Variants in MPC1 observed in about 807,000 individuals in gnomAD.
The protein encoded by MPC1 is HSPC040 protein.
Under a neutral mutation model 13.9 loss-of-function variants are expected in MPC1, and 6 were observed. That is an observed-to-expected ratio of 0.43 (90% CI 0.24 to 0.85). The LOEUF is 0.85. Among genes scored for constraint, MPC1 ranks in the 40% least tolerant of loss-of-function variants. The pLI is 0.24. For missense variants in MPC1, 115 were observed against 143.3 expected, an observed-to-expected ratio of 0.80 and a Z score of 1.01; for synonymous variants, 47 against 50.5, an observed-to-expected ratio of 0.93 and a Z score of 0.29.
intron 2 of MPC1, 138 bp from the exon 3 acceptor site, chr6:166,367,029 G>C: frequency 6.6e-7 from 1 of 1,522,100 alleles, no homozygotes; most frequent in Non-Finnish European, 8.8e-7. Flanking sequence ...CAGGTTTACT[G>C]GGTTAATTGA....
chr6:166,379,274 G>A (rs1402057705), intron 1 of MPC1, among the ~76,000 whole-genome samples: 2 of 152,198 alleles, frequency 1.3e-5, no homozygotes, highest in South Asian at 2.1e-4. Flanking sequence ...TGGGAGGACT[G>A]CTTGACACTG....
At chr6:166,368,657 T>G in intron 2 of MPC1, 44 of 540,332 alleles carry the variant, frequency 8.1e-5, no homozygotes, top group Non-Finnish European at 9.2e-5. Context: ...TTAGATGCAA[T>G]ATGGCCAGTT....
chr6:166,377,777 G>T (rs1469332098), intron 1 of MPC1, among the ~76,000 whole-genome samples: 3 of 152,160 alleles, frequency 2.0e-5, no homozygotes, highest in Non-Finnish European at 4.4e-5. Flanking sequence ...TGACAGTAAA[G>T]ATCTTTGTGA....
At chr6:166,380,954 A>AG (rs1779752638) in intron 1 of MPC1, among the ~76,000 whole-genome samples, 1 of 151,608 alleles carries the variant, frequency 6.6e-6, no homozygotes, top group African/African-American at 2.4e-5. Flanking sequence ...AAAAAAAAAA[A>AG]AAAAAAAAAA....
At chr6:166,382,535 T>C (rs1304834703) in intron 1 of MPC1, among the ~76,000 whole-genome samples, 2 of 146,904 alleles carry the variant, frequency 1.4e-5, no homozygotes. Context: ...ACACCCACTG[T>C]CACCCCCGCC....
Position 166,365,433 on chromosome 6 carries a change from G to A in MPC1, c.326C>T (p.Ala109Val), listed in dbSNP as rs1298768261. 6.3e-7 allele frequency: 1 copy of A among 1,579,988 alleles called. No homozygotes were observed. The change falls in exon 5 of 5, where the codon GCA (alanine) becomes GTA (valine). Residue 109 changes from alanine (A) to valine (V), a missense_variant. Around this residue, in one of 3 missense-constraint regions of MPC1, gnomAD observed 71 missense variants for 88.5 expected, o/e 0.80. Coordinates refer to ENST00000360961, the MANE Select transcript of MPC1 (RefSeq NM_016098.4). This position sits in a 1 kb window ranked among gnomAD's most constrained non-coding sequence, Gnocchi z 4.2. ...CTTGTTCTTCCTTTTCCATTGTTAT[G>A]CAGATGCCGTTTTAGTCATCCTGGA... ...IKHEMTKTASA is the reference protein window; with the variant it reads ...IKHEMTKTASV
chr6:166,372,415 G>A (rs1359510403), intron 1 of MPC1, among the ~76,000 whole-genome samples: 1 of 151,218 alleles, frequency 6.6e-6, no homozygotes, highest in Non-Finnish European at 1.5e-5. Context: ...TGAGAATAAG[G>A]GAGAATTACA....
intron 1 of MPC1, among the ~76,000 whole-genome samples, chr6:166,372,188 T>C (rs1272695154): frequency 6.6e-6 from 1 of 152,226 alleles, no homozygotes; most frequent in African/African-American, 2.4e-5. Context: ...TGTCAGTATC[T>C]GAACACTGGC....
chr6:166,376,259 G>C (rs1291198712), intron 1 of MPC1, among the ~76,000 whole-genome samples: 2 of 152,176 alleles, frequency 1.3e-5, no homozygotes, highest in African/African-American at 2.4e-5. Context: ...AATCAGTAAA[G>C]CCAGTGCTGT....
chr6:166,381,754 A>C (rs1324467684), intron 1 of MPC1: 1 of 946,144 alleles, frequency 1.1e-6, no homozygotes, highest in African/African-American at 1.8e-5. Context: ...GTTAACAGAA[A>C]ATAGAACAAG....
intron 1 of MPC1, among the ~76,000 whole-genome samples, chr6:166,370,836 A>G (rs558834637): frequency 6.6e-6 from 1 of 152,368 alleles, no homozygotes; most frequent in Non-Finnish European, 1.5e-5. Context: ...GTCTGGAAAA[A>G]AAAAGGAAAA....
At chr6:166,366,673 C>T in intron 3 of MPC1, 122 bp downstream of exon 3, 1 of 870,706 alleles carries the variant, frequency 1.1e-6, no homozygotes, top group South Asian at 1.5e-5. Flanking sequence ...TCTTCCATGC[C>T]ATCACATTCT....
In MPC1 at chr6:166,382,803, C is replaced by A; in HGVS notation, c.71+3G>T. 6.3e-7 allele frequency: 1 copy of A among 1,588,352 alleles called. No homozygotes were observed. Among genetic ancestry groups the A allele is most frequent in the Non-Finnish European group, 8.5e-7 (1 of 1,169,628 alleles). ...GCGGGGTTCGGCCTGCGGCGCTCGT[C>A]ACCTCATGAGGTAGTCCCGGAAATC... On this transcript the variant is annotated splice_donor_region_variant and intron_variant, in intron 1 of 4. Transcript: ENST00000360961.
chr6:166,382,582 C>G (rs910271400), intron 1 of MPC1, among the ~76,000 whole-genome samples: 1 of 152,188 alleles, frequency 6.6e-6, no homozygotes, highest in Non-Finnish European at 1.5e-5. Context: ...CCCTGAAAGG[C>G]GCCCACTGTC....
At chr6:166,372,743 T>A (rs1324557630) in intron 1 of MPC1, among the ~76,000 whole-genome samples, 1 of 63,200 alleles carries the variant, frequency 1.6e-5, no homozygotes, top group Non-Finnish European at 3.0e-5. Context: ...ATTACCTGTT[T>A]CAAAAAAAAA....
intron 1 of MPC1, 126 bp downstream of exon 1, chr6:166,382,679 TG>T: frequency 2.1e-6 from 2 of 967,622 alleles, no homozygotes; most frequent in Non-Finnish European, 2.9e-6. Flanking sequence ...CCCTCTCGCC[TG>T]GGCCCCGGCC....
intron 1 of MPC1, among the ~76,000 whole-genome samples, chr6:166,378,693 G>C (rs115825580): frequency 3.3e-5 from 5 of 152,058 alleles, no homozygotes; most frequent in African/African-American, 1.2e-4. Flanking sequence ...TTAAGAAAAA[G>C]GTATTGGAAT....
intron 1 of MPC1, among the ~76,000 whole-genome samples, chr6:166,380,881 A>C (rs556790490): frequency 7.0e-6 from 1 of 143,264 alleles, no homozygotes; most frequent in African/African-American, 2.5e-5. Context: ...GGAGGTTTGG[A>C]TGAGCCAAAA....
intron 1 of MPC1, among the ~76,000 whole-genome samples, chr6:166,380,101 T>C (rs1562462070): frequency 6.6e-6 from 1 of 152,224 alleles, no homozygotes; most frequent in South Asian, 2.1e-4. Flanking sequence ...ATAATTTCAG[T>C]TCAAGATCAT....
Sources: allele counts gnomAD v4.1 joint callset (sites outside exome capture counted in the v4.1 genomes callset), GRCh38; gene constraint gnomAD v4.1.1; regional missense constraint gnomAD v4.1.1; non-coding constraint Gnocchi (gnomAD v3.1); transcripts MANE v1.5; gene names NCBI Gene and HGNC (gene_info 2026-07-23, HGNC 2026-07-21).